The following FRMD4A variants were observed in gnomAD, a reference collection of about 807,000 sequenced individuals.
FRMD4A encodes FERM domain-containing protein 4A.
In FRMD4A, 29 loss-of-function variants were observed where a neutral mutation model predicts 129.1. That is an observed-to-expected ratio of 0.22 (90% CI 0.17 to 0.31). The LOEUF (loss-of-function observed/expected upper bound fraction) is 0.31. Among genes scored for constraint, FRMD4A ranks in the 10% least tolerant of loss-of-function variants. FRMD4A has a pLI of 1.00. For missense variants in FRMD4A, 1,272 were observed against 1,375.8 expected, an observed-to-expected ratio of 0.92 and a Z score of 1.19; for synonymous variants, 634 against 571.6, an observed-to-expected ratio of 1.11 and a Z score of -1.56.
intron 2 of FRMD4A, among the ~76,000 whole-genome samples, chr10:14,183,902 A>G (rs1272791542): frequency 6.6e-6 from 1 of 152,198 alleles, no homozygotes; most frequent in Non-Finnish European, 1.5e-5. Flanking sequence ...AAACTTTGTG[A>G]ACAGTATTGA....
chr10:13,678,978 A>G, intron 15 of FRMD4A, among the ~76,000 whole-genome samples: 1 of 152,098 alleles, frequency 6.6e-6, no homozygotes, highest in East Asian at 1.9e-4. Context: ...AACATCCTAC[A>G]GTGCTATAGG....
chr10:14,237,465 G>A (rs1405077277), intron 2 of FRMD4A, among the ~76,000 whole-genome samples: 1 of 151,966 alleles, frequency 6.6e-6, no homozygotes, highest in East Asian at 1.9e-4. Flanking sequence ...TGAGTAGCTG[G>A]GATTACAGGC....
In FRMD4A at chr10:13,786,917, G is replaced by T. The variant is rs143893761; in HGVS notation, c.300-3911C>A. ...TTTGCTTTAGTTCTTAAAAAGTAAAGAGTAAAGACATCCTGCCTCTTCCAC... is the reference window on the plus strand; with the variant it reads ...TTTGCTTTAGTTCTTAAAAAGTAAATAGTAAAGACATCCTGCCTCTTCCAC... On this transcript the variant is annotated intron_variant, in intron 5 of 24. Transcript: ENST00000357447. 3.6e-3 allele frequency among the ~76,000 whole-genome samples: 550 copies of T among 152,214 alleles called. 4 individuals are homozygous for T. The highest frequency in any genetic ancestry group is 0.014 in the Middle Eastern group (4 of 294).
intron 2 of FRMD4A, among the ~76,000 whole-genome samples, chr10:14,108,330 A>T (rs1300080655): frequency 6.6e-6 from 1 of 152,226 alleles, no homozygotes; most frequent in East Asian, 1.9e-4. Flanking sequence ...AGTGCATTTG[A>T]GCAGACTATT....
intron 2 of FRMD4A, among the ~76,000 whole-genome samples, chr10:14,020,996 T>C (rs1434639111): frequency 6.6e-6 from 1 of 152,176 alleles, no homozygotes; most frequent in African/African-American, 2.4e-5. Flanking sequence ...CCCTGGACAC[T>C]TGCTCTATGT....
chr10:13,827,893 A>G (rs1200361416), intron 3 of FRMD4A, among the ~76,000 whole-genome samples: 1 of 152,188 alleles, frequency 6.6e-6, no homozygotes, highest in Non-Finnish European at 1.5e-5. Context: ...GCTGGGCTCA[A>G]CTGCTGTCTG....
At chr10:13,962,853 A>C (rs556028859) in intron 2 of FRMD4A, among the ~76,000 whole-genome samples, 4 of 152,160 alleles carry the variant, frequency 2.6e-5, no homozygotes, top group African/African-American at 9.6e-5. Flanking sequence ...TAAACCTCCA[A>C]ACAAAGTATT....
intron 3 of FRMD4A, among the ~76,000 whole-genome samples, chr10:13,850,246 G>T (rs1254237039): frequency 6.6e-6 from 1 of 152,076 alleles, no homozygotes; most frequent in Non-Finnish European, 1.5e-5. Context: ...CCTATTTTAG[G>T]TAAGATTATT....
intron 2 of FRMD4A, among the ~76,000 whole-genome samples, chr10:14,296,456 T>C (rs952635071): frequency 2.6e-5 from 4 of 152,190 alleles, no homozygotes; most frequent in Non-Finnish European, 5.9e-5. Context: ...CCAGTGGTCA[T>C]GTTTCTGACC....
Position 14,058,579 on chromosome 10 carries a change from T to C in FRMD4A, c.46-199667A>G, listed in dbSNP as rs567483766. ...CCACATTTCGTAAGAAGGATAAAGATAGAAATTCACTGTTGACTGGGAACC... is the reference window on the plus strand; with the variant it reads ...CCACATTTCGTAAGAAGGATAAAGACAGAAATTCACTGTTGACTGGGAACC... On this transcript the variant is annotated intron_variant, in intron 2 of 24. Coordinates refer to ENST00000357447, the MANE Select transcript of FRMD4A (RefSeq NM_018027.5). Among the ~76,000 whole-genome samples the C allele has an allele frequency of 4.6e-5, 7 of 152,298 alleles. No individual in the cohort carries two copies. The South Asian group carries it at 1.5e-3, about 32-fold the overall frequency.
At chr10:13,674,830 A>T in intron 16 of FRMD4A, 81 bp downstream of exon 16, 1 of 1,444,566 alleles carries the variant, frequency 6.9e-7, no homozygotes, top group Non-Finnish European at 9.7e-7. Flanking sequence ...AAATGACATC[A>T]AAAAGATCAA....
intron 2 of FRMD4A, among the ~76,000 whole-genome samples, chr10:14,265,269 G>A (rs969802134): frequency 1.3e-5 from 2 of 152,118 alleles, no homozygotes; most frequent in African/African-American, 4.8e-5. Context: ...TTATTATCAT[G>A]GTCCTTTTTT....
rs568496296 is a variant in FRMD4A, at chr10:14,216,044, C to T, written c.45+114014G>A. Reference sequence around the variant, plus strand: ...CATGGGGGAAAGAAGTTCCACTACACGTTCTGTAGCGGCACCTAAGGCCAT... The same window carrying T: ...CATGGGGGAAAGAAGTTCCACTACATGTTCTGTAGCGGCACCTAAGGCCAT... On this transcript the variant is annotated intron_variant, in intron 2 of 24. Coordinates refer to ENST00000357447, the MANE Select transcript of FRMD4A (RefSeq NM_018027.5). 1.1e-4 allele frequency among the ~76,000 whole-genome samples: 17 copies of T among 152,280 alleles called. No homozygotes were observed. The East Asian group carries it at 2.5e-3, about 22-fold the overall frequency.
chr10:14,286,754 A>T (rs1845692569), intron 2 of FRMD4A, among the ~76,000 whole-genome samples: 1 of 152,138 alleles, frequency 6.6e-6, no homozygotes, highest in African/African-American at 2.4e-5. Context: ...CTCTGTGTAA[A>T]GCAAGCCTAA....
At chr10:13,733,238 G>T (rs972776007) in intron 12 of FRMD4A, among the ~76,000 whole-genome samples, 3 of 152,188 alleles carry the variant, frequency 2.0e-5, no homozygotes, top group African/African-American at 7.2e-5. Flanking sequence ...TTTTTATAAT[G>T]GTGATGAGGT....
At chr10:14,306,194 T>G (rs926905293) in intron 2 of FRMD4A, among the ~76,000 whole-genome samples, 1 of 152,276 alleles carries the variant, frequency 6.6e-6, no homozygotes, top group African/African-American at 2.4e-5. Flanking sequence ...AGAAATTCTC[T>G]GTTCACACAA....
chr10:14,290,950 CA>C (rs1309613967), intron 2 of FRMD4A, among the ~76,000 whole-genome samples: 1 of 152,010 alleles, frequency 6.6e-6, no homozygotes, highest in African/African-American at 2.4e-5. Context: ...TTTTTTACCC[CA>C]GTGTAATTAC....
At chr10:13,661,132 C>T (rs1213005501) in intron 19 of FRMD4A, among the ~76,000 whole-genome samples, 1 of 152,166 alleles carries the variant, frequency 6.6e-6, no homozygotes. Flanking sequence ...TGTTTATTCT[C>T]TTTTAATCTC....
At chr10:13,755,279 C>A (rs1357843684) in intron 8 of FRMD4A, among the ~76,000 whole-genome samples, 3 of 152,180 alleles carry the variant, frequency 2.0e-5, no homozygotes, top group Non-Finnish European at 4.4e-5. Context: ...AAAAGACTTA[C>A]AAACCTGGAA....
Sources: allele counts gnomAD v4.1 joint callset (sites outside exome capture counted in the v4.1 genomes callset), GRCh38; gene constraint gnomAD v4.1.1; transcripts MANE v1.5; gene names NCBI Gene and HGNC (gene_info 2026-07-23, HGNC 2026-07-21).